TMEM117: variants seen among roughly 807,000 people sequenced by gnomAD.
The protein encoded by TMEM117 is transmembrane protein 117.
In TMEM117, 27 loss-of-function variants were observed where a neutral mutation model predicts 52.4. That is an observed-to-expected ratio of 0.51 (90% CI 0.38 to 0.71). The LOEUF is 0.71. Ranked by LOEUF, TMEM117 falls within the 30% of genes least tolerant of loss-of-function variation. The pLI, the probability that TMEM117 is intolerant of heterozygous loss-of-function variation, is 0.00. For missense variants in TMEM117, 556 were observed against 630.5 expected, an observed-to-expected ratio of 0.88 and a Z score of 1.26; for synonymous variants, 215 against 206.3, an observed-to-expected ratio of 1.04 and a Z score of -0.36.
chr12:43,860,690 G>A (rs1196031547), intron 2 of TMEM117, among the ~76,000 whole-genome samples: 1 of 152,136 alleles, frequency 6.6e-6, no homozygotes, highest in Admixed American at 6.5e-5. Flanking sequence ...GGCTGGAGCA[G>A]AGGGAACAGA....
At chr12:44,176,332 A>T (rs1949115881) in intron 4 of TMEM117, among the ~76,000 whole-genome samples, 1 of 152,178 alleles carries the variant, frequency 6.6e-6, no homozygotes, top group South Asian at 2.1e-4. Context: ...CATGCCCAAT[A>T]AATACCTGTG....
At chr12:44,127,508 C>T (rs1948345383) in intron 3 of TMEM117, among the ~76,000 whole-genome samples, 1 of 152,018 alleles carries the variant, frequency 6.6e-6, no homozygotes, top group South Asian at 2.1e-4. Flanking sequence ...GAAACCCCAT[C>T]TCTATTAAAA....
intron 1 of TMEM117, among the ~76,000 whole-genome samples, chr12:43,839,140 TTC>T (rs1943078325): frequency 1.3e-5 from 2 of 152,250 alleles, no homozygotes; most frequent in Admixed American, 1.3e-4. Flanking sequence ...CTGCCTTAAT[TTC>T]TCTCTGCTTG....
At chr12:44,258,587 ATATT>A (rs1183392803) in intron 5 of TMEM117, among the ~76,000 whole-genome samples, 1 of 152,158 alleles carries the variant, frequency 6.6e-6, no homozygotes, top group Non-Finnish European at 1.5e-5. Flanking sequence ...GAAAGAATCT[ATATT>A]TATTCAAACT....
rs191739137 is a variant in TMEM117 at position 43,914,370 on chromosome 12, C to T, written c.278-29840C>T. 2.6e-3 allele frequency among the ~76,000 whole-genome samples: 392 copies of T among 152,232 alleles called. 3 individuals carry two copies. Among genetic ancestry groups the T allele is most frequent in the Non-Finnish European group, 2.7e-3 (186 of 68,012 alleles). On this transcript the variant is annotated intron_variant, in intron 2 of 7. Transcript: ENST00000266534. ...TAATGAACCCGCTCCTCAGTCTTCC[C>T]CTAGATTGTGATCACATTTTGTTCT...
intron 2 of TMEM117, among the ~76,000 whole-genome samples, chr12:43,864,814 C>T (rs186630806): frequency 6.6e-6 from 1 of 152,186 alleles, no homozygotes. Context: ...ACTGTGGGAA[C>T]TTTGTTCTTT....
chr12:44,156,469 G>A (rs998598617), intron 4 of TMEM117, among the ~76,000 whole-genome samples: 1 of 151,972 alleles, frequency 6.6e-6, no homozygotes, highest in Non-Finnish European at 1.5e-5. Context: ...GAATCACCTG[G>A]GAAGTTTCAA....
At chr12:43,921,659 C>A (rs1017100077) in intron 2 of TMEM117, among the ~76,000 whole-genome samples, 15 of 152,142 alleles carry the variant, frequency 9.9e-5, no homozygotes, top group Admixed American at 4.6e-4. Context: ...TTATACAACT[C>A]CACTGTTAAT....
intron 3 of TMEM117, among the ~76,000 whole-genome samples, chr12:44,072,950 C>A (rs2137987610): frequency 6.6e-6 from 1 of 152,170 alleles, no homozygotes; most frequent in South Asian, 2.1e-4. Flanking sequence ...ATTAGCTGGG[C>A]ATGGTGGTGT....
rs117717282 is a variant in TMEM117, at chr12:44,239,526, T to C, written c.608+28139T>C. Among the ~76,000 whole-genome samples the C allele has an allele frequency of 1.4e-3, 208 of 152,282 alleles. 1 individual carries two copies. The highest frequency in any genetic ancestry group is 4.1e-3 in the Admixed American group (63 of 15,282). Reference sequence around the variant, plus strand: ...ATGCCTTTCTCTTCTTAAACCCATGTTGGTTCTTAGCGATCTCAATATTCA... The same window carrying C: ...ATGCCTTTCTCTTCTTAAACCCATGCTGGTTCTTAGCGATCTCAATATTCA... On this transcript the variant is annotated intron_variant, in intron 5 of 7. Coordinates refer to ENST00000266534, the MANE Select transcript of TMEM117 (RefSeq NM_032256.3).
chr12:44,131,970 A>G (rs1948420896), intron 3 of TMEM117, among the ~76,000 whole-genome samples: 1 of 151,362 alleles, frequency 6.6e-6, no homozygotes, highest in Non-Finnish European at 1.5e-5. Context: ...TGAGCTTTTT[A>G]TTTTCCTTGT....
At position 43,944,241 on chromosome 12, in the gene TMEM117, A is replaced by C; in HGVS notation, c.309A>C (p.Glu103Asp). The change falls in exon 3 of 8, where the codon GAA (glutamate) becomes GAC (aspartate). Residue 103 changes from glutamate to aspartate, a missense_variant. Glu to Asp is a conservative substitution (Grantham distance 45, BLOSUM62 2). Transcript: ENST00000266534. The part of the protein sequence containing the change: ...GQLLRLKMFR[E>D]DHGSWMTMFF... ...TGCTCCGATTAAAAATGTTTCGAGA[A>C]GATCATGGGTCGTGGATGACAATGT... The C allele has an allele frequency of 6.2e-7, 1 of 1,612,654 alleles. No individual in the cohort carries two copies. The highest frequency in any genetic ancestry group is 8.5e-7 in the Non-Finnish European group (1 of 1,179,468).
At chr12:43,891,228 T>G (rs1195607782) in intron 2 of TMEM117, among the ~76,000 whole-genome samples, 1 of 152,156 alleles carries the variant, frequency 6.6e-6, no homozygotes, top group Non-Finnish European at 1.5e-5. Context: ...TTAGGTATTC[T>G]TCAAGGTGCA....
At chr12:44,057,277 A>T (rs1947071116) in intron 3 of TMEM117, among the ~76,000 whole-genome samples, 1 of 152,188 alleles carries the variant, frequency 6.6e-6, no homozygotes, top group African/African-American at 2.4e-5. Flanking sequence ...TGTGTCAGTC[A>T]TGGTCCCGTG....
At chr12:43,882,015 T>G (rs1212203503) in intron 2 of TMEM117, among the ~76,000 whole-genome samples, 1 of 151,548 alleles carries the variant, frequency 6.6e-6, no homozygotes, top group Admixed American at 6.6e-5. Flanking sequence ...GAGCTTGCAG[T>G]GAGCCCAGAT....
At chr12:43,819,911 T>C in the TMEM117 span, among the ~76,000 whole-genome samples, 4 of 152,194 alleles carry the variant, frequency 2.6e-5, no homozygotes, top group Non-Finnish European at 5.9e-5. Flanking sequence ...GTATTTGGCA[T>C]CCTAATTATT....
intron 3 of TMEM117, among the ~76,000 whole-genome samples, chr12:44,049,398 C>T (rs1290286619): frequency 6.6e-6 from 1 of 152,000 alleles, no homozygotes; most frequent in Non-Finnish European, 1.5e-5. Flanking sequence ...GGGAACATCA[C>T]ACACCCAGGG....
intron 6 of TMEM117, among the ~76,000 whole-genome samples, chr12:44,329,096 A>G (rs1438825796): frequency 6.6e-6 from 1 of 151,954 alleles, no homozygotes; most frequent in Non-Finnish European, 1.5e-5. Flanking sequence ...CCTATAAAAC[A>G]TCTCTCAGGG....
chr12:44,307,626 C>T (rs1364812972), intron 6 of TMEM117, among the ~76,000 whole-genome samples: 1 of 152,194 alleles, frequency 6.6e-6, no homozygotes, highest in Non-Finnish European at 1.5e-5. Flanking sequence ...TCACTTCCCT[C>T]ATTACTGCTA....
Sources: gnomAD v4.1 joint callset for allele counts (sites outside exome capture counted in the v4.1 genomes callset) on GRCh38, gnomAD v4.1.1 for gene constraint, MANE v1.5 for transcripts, NCBI Gene and HGNC (gene_info 2026-07-23, HGNC 2026-07-21) for gene names.